The following MMS19 variants were observed in gnomAD, a reference collection of about 807,000 sequenced individuals.
MMS19 encodes the protein MMS19 nucleotide excision repair protein homolog.
MMS19 carries 77 observed loss-of-function variants against 129.8 expected under a neutral mutation model. That is an observed-to-expected ratio of 0.59 (90% confidence interval 0.49 to 0.72). MMS19 has a LOEUF of 0.72. MMS19 is among the 30% of genes least tolerant of loss of function. MMS19 has a pLI of 0.00. For synonymous variants in MMS19, 491 were observed against 502.8 expected, an observed-to-expected ratio of 0.98 and a Z score of 0.31; for missense variants, 1,168 against 1,266.3, an observed-to-expected ratio of 0.92 and a Z score of 1.18.
rs767945905 is a variant in MMS19 at position 97,478,348 on chromosome 10, G to C, written c.304C>G (p.His102Asp). 4 of 1,605,444 alleles carry C rather than the reference G, an allele frequency of 2.5e-6. No homozygotes were observed. The highest frequency in any genetic ancestry group is 3.4e-6 in the Non-Finnish European group (4 of 1,176,110). Residue 102 changes from histidine to aspartate, a missense_variant, in exon 4 of 31, where the codon CAT (histidine) becomes GAT (aspartate). By Grantham distance (81) the His-to-Asp change is moderately conservative. This residue lies in a region of MMS19 where 329 missense variants were observed against 328.6 expected (regional missense o/e 1.00). Transcript: ENST00000438925. Reference sequence around the variant, plus strand: ...AGGACAGATGGGATCACAAGATGATGGTCCTTCAGCCGGTTCTCATAGAAC... The same window carrying C: ...AGGACAGATGGGATCACAAGATGATCGTCCTTCAGCCGGTTCTCATAGAAC... Reference protein sequence around the residue: ...ILFYENRLKDHHLVIPSVLQG... With the variant: ...ILFYENRLKDDHLVIPSVLQG...
At position 97,458,836 on chromosome 10, in the gene MMS19, A is replaced by AGG; in HGVS notation, c.3028_3029insCC (p.Leu1010ProfsTer29). The AGG allele has an allele frequency of 6.2e-7, 1 of 1,614,022 alleles. No individual in the cohort carries two copies. Among genetic ancestry groups the AGG allele is most frequent in the Non-Finnish European group, 8.5e-7 (1 of 1,179,892 alleles). ...GGCTGACACTGCTTCCTTGCGCACCAGTCTCTTCTTGTCATCCAGGGGTTT... is the reference window on the plus strand; with the variant it reads ...GGCTGACACTGCTTCCTTGCGCACCAGGGTCTCTTCTTGTCATCCAGGGGTTT... On this transcript the variant is annotated frameshift_variant, in exon 30 of 31. Coordinates refer to ENST00000438925, the MANE Select transcript of MMS19 (RefSeq NM_022362.5). LOFTEE classifies it high-confidence loss of function.
chr10:97,482,777 T>C lies in MMS19; in HGVS notation c.161+1326A>G, dbSNP rs553277603. Among the ~76,000 whole-genome samples, 13 of 150,572 alleles carry C rather than the reference T, an allele frequency of 8.6e-5. No homozygotes were observed. The East Asian group carries it at 1.2e-3, about 14-fold the overall frequency. Reference sequence around the variant, plus strand: ...ACACACACACACACACATATATTTTTTGAGATGGACTCTCACTCTGTCACC... The same window carrying C: ...ACACACACACACACACATATATTTTCTGAGATGGACTCTCACTCTGTCACC... On this transcript the variant is annotated intron_variant, in intron 2 of 30. Transcript: ENST00000438925.
At chr10:97,493,694 C>A (rs1189626311) in intron 1 of MMS19, among the ~76,000 whole-genome samples, 1 of 152,196 alleles carries the variant, frequency 6.6e-6, no homozygotes, top group Non-Finnish European at 1.5e-5. Context: ...GTGATTAATT[C>A]TTTTAATGGT....
At chr10:97,462,412 TG>T (rs1564622915) in intron 20 of MMS19, among the ~76,000 whole-genome samples, 170 bp downstream of exon 20, 1 of 152,338 alleles carries the variant, frequency 6.6e-6, no homozygotes, top group East Asian at 1.9e-4. Context: ...TCATAGTCCA[TG>T]GTGCTAAGAG....
chr10:97,479,546 T>C (rs1332796898), intron 3 of MMS19, among the ~76,000 whole-genome samples: 1 of 152,188 alleles, frequency 6.6e-6, no homozygotes, highest in Non-Finnish European at 1.5e-5. Flanking sequence ...CGTGCTGCAT[T>C]TGCCCCTTGA....
chr10:97,465,995 G>C, intron 17 of MMS19, 41 bp from the exon 18 acceptor site: 1 of 1,612,576 alleles, frequency 6.2e-7, no homozygotes, highest in Non-Finnish European at 8.5e-7. Flanking sequence ...TGTGTGATAG[G>C]AAGCACGAAG....
chr10:97,460,013 G>A, intron 26 of MMS19, 33 bp downstream of exon 26: 3 of 1,605,156 alleles, frequency 1.9e-6, no homozygotes, highest in African/African-American at 1.3e-5. Context: ...GGAGAGATGT[G>A]TATATGTGGG....
At chr10:97,486,861 C>CTATATATATATATATATATATA (rs1564694696) in intron 1 of MMS19, among the ~76,000 whole-genome samples, 5 of 15,594 alleles carry the variant, frequency 3.2e-4, no homozygotes, top group South Asian at 2.3e-3. Context: ...AATTAAAGTG[C>CTATATATATATATATATATATA]CATATATATA....
chr10:97,467,998 T>TA (rs917283676), intron 13 of MMS19, among the ~76,000 whole-genome samples: 5 of 152,016 alleles, frequency 3.3e-5, no homozygotes, highest in African/African-American at 7.2e-5. Context: ...TTTTTTTTTT[T>TA]AGAGATGGGA....
rs1329316607 is a variant in MMS19 at position 97,461,608 on chromosome 10, C to T, written c.2199G>A (p.Gln733=). The change falls in exon 23 of 31, where the codon CAG becomes CAA. Residue 733 remains glutamine, a synonymous_variant. Coordinates refer to ENST00000438925, the MANE Select transcript of MMS19 (RefSeq NM_022362.5). ...CSLPRNVEIP[Q]LNQLMRELLE... ...AAAGCTCCCGCATGAGTTGGTTCAG[C>T]TGAGGGATTTCCACCTACAGAAAAC... 2 of 1,599,074 alleles carry T rather than the reference C, an allele frequency of 1.3e-6. No homozygotes were observed. The highest frequency in any genetic ancestry group is 1.7e-6 in the Non-Finnish European group (2 of 1,172,794).
intron 3 of MMS19, 35 bp from the exon 4 acceptor site, chr10:97,478,424 G>A: frequency 6.8e-7 from 1 of 1,470,916 alleles, no homozygotes; most frequent in Non-Finnish European, 9.4e-7. Context: ...AGTTGACATA[G>A]GCACGAGAAG....
intron 1 of MMS19, among the ~76,000 whole-genome samples, chr10:97,487,465 C>T (rs1474046287): frequency 6.6e-6 from 1 of 151,816 alleles, no homozygotes; most frequent in East Asian, 1.9e-4. Flanking sequence ...ACTACAGGCG[C>T]CCACCACCAC....
In MMS19 at chr10:97,462,598, G is replaced by A. The variant is rs2032303420; in HGVS notation, c.1997C>T (p.Thr666Ile). 6.2e-7 allele frequency: 1 copy of A among 1,613,462 alleles called. No homozygotes were observed. Among genetic ancestry groups the A allele is most frequent in the Non-Finnish European group, 8.5e-7 (1 of 1,179,538 alleles). Residue 666 changes from threonine (T) to isoleucine (I), a missense_variant, in exon 20 of 31, where the codon ACC becomes ATC. Thr to Ile is a moderately conservative substitution (Grantham distance 89, BLOSUM62 -1). Coordinates refer to ENST00000438925, the MANE Select transcript of MMS19 (RefSeq NM_022362.5). Reference sequence around the variant, plus strand: ...TTATACTTACTCAGGGCTCAGGTGGGTTGTAGCAGTGCCAATGACAGACAC... The same window carrying A: ...TTATACTTACTCAGGGCTCAGGTGGATTGTAGCAGTGCCAATGACAGACAC... ...AMVSVIGTAT[T>I]HLSPELAAQS... is the part of the protein sequence containing the mutation.
At chr10:97,489,464 G>T (rs1170173119) in intron 1 of MMS19, among the ~76,000 whole-genome samples, 1 of 152,170 alleles carries the variant, frequency 6.6e-6, no homozygotes, top group South Asian at 2.1e-4. Flanking sequence ...CGGAGTTCCC[G>T]TATAGCCATC....
intron 22 of MMS19, 92 bp downstream of exon 22, chr10:97,461,736 A>T: frequency 6.5e-7 from 1 of 1,542,144 alleles, no homozygotes; most frequent in Non-Finnish European, 8.8e-7. Flanking sequence ...CTGGTGGGGG[A>T]AGTAAAAGAT....
intron 8 of MMS19, among the ~76,000 whole-genome samples, chr10:97,473,593 T>G (rs1205415318): frequency 1.3e-5 from 2 of 151,528 alleles, no homozygotes; most frequent in Non-Finnish European, 2.9e-5. Context: ...CAATATCTAC[T>G]CTGCATTAGG....
intron 1 of MMS19, among the ~76,000 whole-genome samples, chr10:97,496,646 T>G (rs1242388582): frequency 6.6e-6 from 1 of 152,186 alleles, no homozygotes; most frequent in African/African-American, 2.4e-5. Flanking sequence ...TGTTTTCGTA[T>G]CGCATAAATG....
chr10:97,498,345 C>T lies in MMS19; in HGVS notation c.40G>A (p.Gly14Ser), dbSNP rs1335947406. The change falls in exon 1 of 31, where the codon GGT becomes AGT. Residue 14 changes from glycine to serine, a missense_variant. Physicochemically the swap from Gly to Ser is moderately conservative, Grantham distance 56. Coordinates refer to ENST00000438925, the MANE Select transcript of MMS19 (RefSeq NM_022362.5). ...AAAVEAAAPM[G>S]ALWGLVHDFV... ...TCGTGCACGAGGCCCCATAGGGCAC[C>T]CATAGGCGCCGCCGCCTCCACAGCC... 5 of 1,572,128 alleles carry T rather than the reference C, an allele frequency of 3.2e-6. 1 individual carries two copies. Among genetic ancestry groups the T allele is most frequent in the Middle Eastern group, 3.3e-4 (2 of 6,030 alleles).
At chr10:97,482,541 G>T (rs1390114923) in intron 2 of MMS19, among the ~76,000 whole-genome samples, 2 of 151,936 alleles carry the variant, frequency 1.3e-5, no homozygotes, top group Admixed American at 6.6e-5. Context: ...GAGGGAAGGG[G>T]AAATGACTGC....
Sources: gnomAD v4.1 joint callset for allele counts (sites outside exome capture counted in the v4.1 genomes callset) on GRCh38, gnomAD v4.1.1 for gene constraint, gnomAD v4.1.1 regional missense constraint, MANE v1.5 for transcripts, NCBI Gene and HGNC (gene_info 2026-07-23, HGNC 2026-07-21) for gene names.